Variants in SCOC observed in about 807,000 individuals in gnomAD.
SCOC encodes the protein short coiled coil protein.
Under a neutral mutation model 9.9 loss-of-function variants are expected in SCOC, and 7 were observed. The observed-to-expected ratio is 0.71, with a 90% CI of 0.40 to 1.33. The LOEUF is 1.33. SCOC is among the 40% of genes most tolerant of loss of function. SCOC has a pLI of 0.01. For missense variants in SCOC, 66 were observed against 89.7 expected (o/e 0.74, Z 1.07); for synonymous variants, 19 against 28.2 (o/e 0.67, Z 1.03).
At chr4:140,369,601 A>C (rs189424272), upstream of SCOC, among the ~76,000 whole-genome samples, 1 of 152,246 alleles carries the variant, frequency 6.6e-6, no homozygotes, top group East Asian at 1.9e-4. Flanking sequence ...GAACATCAAA[A>C]AGATATTGGA....
chr4:140,266,171 G>A (rs1361398173), intron 1 of SCOC, among the ~76,000 whole-genome samples: 2 of 152,158 alleles, frequency 1.3e-5, no homozygotes, highest in South Asian at 2.1e-4. Context: ...CGGAGAAGTT[G>A]CAGAAAAACT....
At chr4:140,305,203 G>A (rs894687291) in intron 1 of SCOC, among the ~76,000 whole-genome samples, 1 of 152,174 alleles carries the variant, frequency 6.6e-6, no homozygotes, top group Admixed American at 6.5e-5. Flanking sequence ...TACTGGGGAT[G>A]TTCTGTGAGA....
chr4:140,279,990 G>A (rs1731063087), intron 1 of SCOC, among the ~76,000 whole-genome samples: 1 of 152,204 alleles, frequency 6.6e-6, no homozygotes. Context: ...AAATGGAAGG[G>A]AAAGGTTTTT....
intron 1 of SCOC, among the ~76,000 whole-genome samples, chr4:140,334,336 T>C (rs1373583984): frequency 6.6e-6 from 1 of 152,248 alleles, no homozygotes; most frequent in Non-Finnish European, 1.5e-5. Context: ...AAGTCAAGAA[T>C]TGTGTTTCTA....
At chr4:140,337,513 A>T (rs1037893378) in intron 1 of SCOC, among the ~76,000 whole-genome samples, 1 of 152,302 alleles carries the variant, frequency 6.6e-6, no homozygotes, top group East Asian at 1.9e-4. Context: ...AGATTCCAGA[A>T]ATAAACCCAA....
At chr4:140,261,991 T>G (rs968464997) in intron 1 of SCOC, among the ~76,000 whole-genome samples, 5 of 152,362 alleles carry the variant, frequency 3.3e-5, no homozygotes, top group African/African-American at 1.2e-4. Context: ...GTGTCTCAGA[T>G]ATGCCATCTT....
chr4:140,286,077 C>T (rs1048591474), intron 1 of SCOC, among the ~76,000 whole-genome samples: 2 of 151,670 alleles, frequency 1.3e-5, no homozygotes, highest in African/African-American at 4.8e-5. Context: ...TCCAGGTGCT[C>T]GGGGGCTAAG....
At chr4:140,325,577 A>G (rs1560701880) in intron 1 of SCOC, among the ~76,000 whole-genome samples, 1 of 152,188 alleles carries the variant, frequency 6.6e-6, no homozygotes, top group Non-Finnish European at 1.5e-5. Context: ...AAATAAATAT[A>G]AAAGAGGTGT....
chr4:140,262,543 T>C (rs1212560452), intron 1 of SCOC, among the ~76,000 whole-genome samples: 1 of 152,212 alleles, frequency 6.6e-6, no homozygotes, highest in Non-Finnish European at 1.5e-5. Context: ...CTCCTGTTTC[T>C]GCTATAGAGT....
intron 2 of SCOC, among the ~76,000 whole-genome samples, chr4:140,362,275 T>TTCTCCTTCTCCTTCTCCTTC (rs1553941067): frequency 1.9e-4 from 2 of 10,704 alleles, no homozygotes; most frequent in Non-Finnish European, 4.6e-4. Context: ...AGGTGTGTCC[T>TTCTCCTTCTCCTTCTCCTTC]TACTTCTTCT....
chr4:140,300,144 T>A (rs1216250294), intron 1 of SCOC, among the ~76,000 whole-genome samples: 3 of 152,316 alleles, frequency 2.0e-5, no homozygotes, highest in Non-Finnish European at 4.4e-5. Flanking sequence ...GATGAGCACA[T>A]GGCATCATCC....
chr4:140,361,420 T>G (rs1276222744), intron 2 of SCOC, among the ~76,000 whole-genome samples: 2 of 152,174 alleles, frequency 1.3e-5, no homozygotes, highest in Non-Finnish European at 2.9e-5. Context: ...TCTCAACATT[T>G]TGGAAGGCCA....
intron 2 of SCOC, 84 bp downstream of exon 2, chr4:140,379,276 C>T: frequency 1.1e-6 from 1 of 945,582 alleles, no homozygotes; most frequent in East Asian, 2.4e-5. Flanking sequence ...GCAGAGAAAC[C>T]ATGTTTAGAA....
At chr4:140,267,219 G>A (rs1730747924) in intron 1 of SCOC, among the ~76,000 whole-genome samples, 1 of 152,210 alleles carries the variant, frequency 6.6e-6, no homozygotes, top group African/African-American at 2.4e-5. Flanking sequence ...GTAGCACTGG[G>A]TGGGAGGCCA....
upstream of SCOC, among the ~76,000 whole-genome samples, chr4:140,340,783 C>CTTTTTTTTTTTTTTTTTTTTTT (rs36136647): frequency 4.9e-5 from 2 of 40,476 alleles, 1 homozygote; most frequent in Non-Finnish European, 9.5e-5. Flanking sequence ...TGCTGCCTAA[C>CTTTTTTTTTTTTTTTTTTTTTT]TTTTTTTTTT....
chr4:140,294,292 T>C (rs1039360707), intron 1 of SCOC, among the ~76,000 whole-genome samples: 1 of 152,130 alleles, frequency 6.6e-6, no homozygotes, highest in Non-Finnish European at 1.5e-5. Flanking sequence ...GGAAAGATAT[T>C]GAGGAGGGGA....
intron 1 of SCOC, among the ~76,000 whole-genome samples, chr4:140,292,804 C>T (rs910598138): frequency 2.6e-5 from 4 of 152,220 alleles, no homozygotes; most frequent in Non-Finnish European, 5.9e-5. Flanking sequence ...GGACCATCCA[C>T]CCAGATGTAC....
chr4:140,260,007 T>C (rs556257194), intron 1 of SCOC, among the ~76,000 whole-genome samples: 9 of 152,228 alleles, frequency 5.9e-5, no homozygotes, highest in Non-Finnish European at 1.0e-4. Flanking sequence ...TTGGGTCAAA[T>C]CTCACTCCCA....
At chr4:140,293,323 T>C in intron 1 of SCOC, 1 of 456,810 alleles carries the variant, frequency 2.2e-6, no homozygotes, top group South Asian at 1.5e-5. Context: ...AAGGCTTATC[T>C]TTACTGCCTG....
Sources: allele counts gnomAD v4.1 joint callset (sites outside exome capture counted in the v4.1 genomes callset), GRCh38; gene constraint gnomAD v4.1.1; transcripts MANE v1.5; gene names NCBI Gene and HGNC (gene_info 2026-07-23, HGNC 2026-07-21).